Variants in WNT7A observed in about 807,000 individuals in gnomAD.
The protein encoded by WNT7A is Wnt family member 7A, also known as protein Wnt-7a.
WNT7A carries 16 observed loss-of-function variants against 28.2 expected under a neutral mutation model. The observed-to-expected ratio is 0.57, with a 90% CI of 0.38 to 0.86. The LOEUF (loss-of-function observed/expected upper bound fraction) is 0.86. Ranked by LOEUF, WNT7A falls within the 40% of genes least tolerant of loss-of-function variation. WNT7A has a pLI of 0.00. For missense variants in WNT7A, 411 were observed against 489.7 expected (o/e 0.84, Z 1.52); for synonymous variants, 190 against 195.9 (o/e 0.97, Z 0.25).
intron 3 of WNT7A, among the ~76,000 whole-genome samples, chr3:13,843,542 C>T (rs1694494550): frequency 6.6e-6 from 1 of 152,110 alleles, no homozygotes; most frequent in Admixed American, 6.5e-5. Flanking sequence ...TGACCTGCCT[C>T]CCATCCAAAA....
In WNT7A at chr3:13,816,768, T is replaced by TAA. The variant is rs1694011216; in HGVS notation, c.*2175_*2176insTT. 1.3e-5 allele frequency: 2 copies of TAA among 152,078 alleles called. No homozygotes were observed. Among genetic ancestry groups the TAA allele is most frequent in the African/African-American group, 2.4e-5 (1 of 41,332 alleles). 9.4% of individuals were successfully genotyped at this position (152,078 alleles called of 1,614,324 possible). A position where few individuals can be genotyped will look rare whatever the true frequency, so the allele number is the denominator to read the frequency against. On this transcript the variant is annotated 3_prime_UTR_variant, in exon 4 of 4. Transcript: ENST00000285018. ...ATCAATCCATCCACCCATCTGTTTA[T>TAA]CCCTTCATCCATCCATCTACCCATC...
chr3:13,838,660 T>A (rs1244525638), intron 3 of WNT7A, among the ~76,000 whole-genome samples: 1 of 152,058 alleles, frequency 6.6e-6, no homozygotes, highest in Non-Finnish European at 1.5e-5. Flanking sequence ...GCCCCCAAAG[T>A]TTTGCAGGAC....
At chr3:13,855,501 C>T (rs925393838) in intron 2 of WNT7A, among the ~76,000 whole-genome samples, 37 of 152,352 alleles carry the variant, frequency 2.4e-4, no homozygotes, top group African/African-American at 8.7e-4. Flanking sequence ...TGTCCATCCC[C>T]TCCCTTCTTC....
intron 2 of WNT7A, among the ~76,000 whole-genome samples, chr3:13,860,416 C>A (rs373466287): frequency 1.3e-5 from 2 of 152,182 alleles, no homozygotes; most frequent in Non-Finnish European, 1.5e-5. Context: ...ACTTCTAAAA[C>A]GAGATGGCAT....
At chr3:13,876,160 G>T (rs1695107152) in intron 1 of WNT7A, among the ~76,000 whole-genome samples, 1 of 152,208 alleles carries the variant, frequency 6.6e-6, no homozygotes, top group Non-Finnish European at 1.5e-5. Flanking sequence ...GATCTGAATT[G>T]CCAGGAGGCA....
chr3:13,833,273 C>T (rs1304462576), intron 3 of WNT7A, among the ~76,000 whole-genome samples: 1 of 152,200 alleles, frequency 6.6e-6, no homozygotes, highest in East Asian at 1.9e-4. Flanking sequence ...CACATATGCT[C>T]ACACACAGGT....
At chr3:13,845,097 G>A (rs950329651) in intron 3 of WNT7A, among the ~76,000 whole-genome samples, 3 of 152,204 alleles carry the variant, frequency 2.0e-5, no homozygotes, top group African/African-American at 7.2e-5. Flanking sequence ...CCCCATCTCA[G>A]GTGAGTTTCA....
At chr3:13,836,634 G>C (rs77767925) in intron 3 of WNT7A, among the ~76,000 whole-genome samples, 58 of 152,298 alleles carry the variant, frequency 3.8e-4, no homozygotes, top group African/African-American at 1.3e-3. Context: ...GAGGGTGGTT[G>C]GACAAAGTCT....
chr3:13,857,552 T>C (rs1211691057), intron 2 of WNT7A, among the ~76,000 whole-genome samples: 1 of 152,076 alleles, frequency 6.6e-6, no homozygotes, highest in Non-Finnish European at 1.5e-5. Flanking sequence ...TGCATTTGCA[T>C]AGATTTGAGG....
rs554595195 is a variant in WNT7A, at chr3:13,844,731, C to A, written c.570+9801G>T. On this transcript the variant is annotated intron_variant, in intron 3 of 3. Coordinates refer to ENST00000285018, the MANE Select transcript of WNT7A (RefSeq NM_004625.4). ...AAGTGCCTTTGTCAGGCAAGGAGTCCTTCCTAGGGACACAGGTGCACCTGG... is the reference window on the plus strand; with the variant it reads ...AAGTGCCTTTGTCAGGCAAGGAGTCATTCCTAGGGACACAGGTGCACCTGG... 1.7e-4 allele frequency among the ~76,000 whole-genome samples: 26 copies of A among 152,280 alleles called. 1 individual carries two copies. In the South Asian group the frequency reaches 5.2e-3, roughly 30 times the overall value.
chr3:13,879,821 C>T lies in WNT7A; in HGVS notation c.-5G>A. The T allele has an allele frequency of 6.8e-6, 11 of 1,609,946 alleles. No individual in the cohort carries two copies. Among genetic ancestry groups the T allele is most frequent in the African/African-American group, 1.3e-5 (1 of 74,950 alleles). On this transcript the variant is annotated 5_prime_UTR_variant, in exon 1 of 4. Coordinates refer to ENST00000285018, the MANE Select transcript of WNT7A (RefSeq NM_004625.4). ...GCGCCGCGCTTTCCGGTTCATAGTC[C>T]CGATTGGCCGCCGGGGCCGCGGGCC...
intron 3 of WNT7A, among the ~76,000 whole-genome samples, chr3:13,835,412 G>T (rs11711182): frequency 6.6e-6 from 1 of 152,166 alleles, no homozygotes; most frequent in Non-Finnish European, 1.5e-5. Context: ...GGGCAAAACC[G>T]CTGTGAACCC....
chr3:13,854,480 A>T, intron 3 of WNT7A, 52 bp downstream of exon 3: 1 of 1,612,314 alleles, frequency 6.2e-7, no homozygotes, highest in Admixed American at 1.7e-5. Flanking sequence ...CAAACAAGCC[A>T]TTTTGCAGCA....
At chr3:13,850,541 T>C in intron 3 of WNT7A, among the ~76,000 whole-genome samples, 1 of 151,992 alleles carries the variant, frequency 6.6e-6, no homozygotes, top group Non-Finnish European at 1.5e-5. Context: ...CGGAATTCCA[T>C]CCCCCTGAGC....
At chr3:13,819,459 C>T (rs1357127863) in intron 3 of WNT7A, 36 bp from the exon 4 acceptor site, 2 of 1,602,486 alleles carry the variant, frequency 1.2e-6, no homozygotes, top group Non-Finnish European at 8.5e-7. Flanking sequence ...CAGCACAGGT[C>T]ACTGCACGCC....
chr3:13,856,960 A>AAGAAGAAGAAGAAGG (rs1559303362), intron 2 of WNT7A, among the ~76,000 whole-genome samples: 2 of 117,472 alleles, frequency 1.7e-5, no homozygotes, highest in African/African-American at 8.2e-5. Context: ...GAAGAAGAAG[A>AAGAAGAAGAAGAAGG]AGAAGAAGGA....
chr3:13,879,990 G>A lies in WNT7A; in HGVS notation c.-174C>T. ...CCTGAGCCTCGCCAGGAGCACGGGA[G>A]CCACGGAGCGGGAGGAGGGAGGGAG... On this transcript the variant is annotated 5_prime_UTR_variant, in exon 1 of 4. Transcript: ENST00000285018. 1 of 418,930 alleles carries A rather than the reference G, an allele frequency of 2.4e-6. No individual in the cohort carries two copies. The highest frequency in any genetic ancestry group is 4.6e-5 in the Admixed American group (1 of 21,716). 26.0% of individuals were successfully genotyped at this position (418,930 alleles called of 1,614,324 possible).
intron 2 of WNT7A, among the ~76,000 whole-genome samples, chr3:13,859,112 TTTG>T (rs1694790398): frequency 6.6e-6 from 1 of 152,194 alleles, no homozygotes; most frequent in African/African-American, 2.4e-5. Context: ...GCGTTGTAGT[TTTG>T]TTGTTGTTAC....
intron 2 of WNT7A, among the ~76,000 whole-genome samples, chr3:13,869,328 AGAGG>A (rs1388410560): frequency 7.2e-5 from 9 of 125,744 alleles, no homozygotes; most frequent in Admixed American, 4.6e-4. Flanking sequence ...AGGGAGGGAG[AGAGG>A]GAGGGAGGAA....
Sources: allele counts gnomAD v4.1 joint callset (sites outside exome capture counted in the v4.1 genomes callset), GRCh38; gene constraint gnomAD v4.1.1; transcripts MANE v1.5; gene names NCBI Gene and HGNC (gene_info 2026-07-23, HGNC 2026-07-21).